Variants in PCDHA3 observed in about 807,000 individuals in gnomAD.
The protein encoded by PCDHA3 is protocadherin alpha 3, also known as protocadherin alpha-3.
A neutral mutation model predicts 62.2 loss-of-function variants in PCDHA3; 41 were observed. The ratio of observed to expected loss-of-function variants is 0.66; its 90% confidence interval spans 0.51 to 0.86. The LOEUF is 0.86. Ranked by LOEUF, PCDHA3 falls within the 40% of genes least tolerant of loss-of-function variation. The pLI is 0.00. For synonymous variants in PCDHA3, 640 were observed against 555.4 expected (o/e 1.15, Z -2.14); for missense variants, 1,304 against 1,241.2 (o/e 1.05, Z -0.76).
intron 1 of PCDHA3, chr5:140,850,189 T>C: frequency 6.3e-7 from 1 of 1,593,496 alleles, no homozygotes; most frequent in South Asian, 1.1e-5. Flanking sequence ...GCGCCGGCGC[T>C]GCTGACACCT....
intron 1 of PCDHA3, chr5:140,882,740 T>A (rs1554175394): frequency 6.2e-7 from 1 of 1,614,198 alleles, no homozygotes; most frequent in African/African-American, 1.3e-5. Flanking sequence ...AGATGGCGCA[T>A]CCGATGCAGA....
intron 3 of PCDHA3, among the ~76,000 whole-genome samples, chr5:141,007,324 A>G (rs35241677): frequency 0.053 from 8,037 of 150,420 alleles, 253 homozygotes; most frequent in South Asian, 0.11. Context: ...GCTAAAGTGG[A>G]CAGATTGCCT....
At chr5:140,903,609 A>G (rs565435427) in intron 1 of PCDHA3, among the ~76,000 whole-genome samples, 2 of 152,360 alleles carry the variant, frequency 1.3e-5, no homozygotes, top group Admixed American at 6.5e-5. Flanking sequence ...CTTAATACAC[A>G]TGAATGTGCA....
intron 1 of PCDHA3, chr5:140,821,864 T>C: frequency 6.2e-7 from 1 of 1,614,208 alleles, no homozygotes; most frequent in South Asian, 1.1e-5. Context: ...AGCGGCCAGC[T>C]CCACTACTCG....
intron 1 of PCDHA3, among the ~76,000 whole-genome samples, chr5:140,972,152 A>T (rs1481801555): frequency 6.6e-6 from 1 of 151,770 alleles, no homozygotes; most frequent in African/African-American, 2.4e-5. Context: ...TTTTATTTTT[A>T]TTTTTTTGAG....
intron 1 of PCDHA3, chr5:140,865,048 T>A (rs2048709545): frequency 1.3e-5 from 2 of 152,178 alleles, no homozygotes; most frequent in Admixed American, 1.3e-4. Flanking sequence ...AAAAATGTCA[T>A]TGTTTTTAAT....
intron 1 of PCDHA3, chr5:140,877,371 G>T: frequency 6.2e-7 from 1 of 1,613,994 alleles, no homozygotes; most frequent in Non-Finnish European, 8.5e-7. Flanking sequence ...AGATCAGCAC[G>T]ACACGCATCC....
chr5:140,801,932 G>A lies in PCDHA3; in HGVS notation c.735G>A (p.Thr245=), dbSNP rs782471663. Reference sequence around the variant, plus strand: ...ACAACGCCCCAGCGTTTGAGAGGACGATCTATAAAGTCAGATTACTCGAAA... The same window carrying A: ...ACAACGCCCCAGCGTTTGAGAGGACAATCTATAAAGTCAGATTACTCGAAA... The part of the protein sequence containing the change: ...VNDNAPAFER[T]IYKVRLLENA... Residue 245 remains threonine (T), a synonymous_variant, in exon 1 of 4, where the codon ACG becomes ACA. Transcript: ENST00000522353. 8.7e-6 allele frequency: 14 copies of A among 1,614,160 alleles called. No homozygotes were observed. Among genetic ancestry groups the A allele is most frequent in the Non-Finnish European group, 1.2e-5 (14 of 1,180,034 alleles).
intron 3 of PCDHA3, among the ~76,000 whole-genome samples, chr5:140,988,287 C>A (rs2097291303): frequency 6.6e-6 from 1 of 152,240 alleles, no homozygotes; most frequent in Non-Finnish European, 1.5e-5. Context: ...TGCCATCTGA[C>A]AGCCCAGGAG....
At chr5:140,843,130 C>T (rs2150353538) in intron 1 of PCDHA3, 5 of 1,596,012 alleles carry the variant, frequency 3.1e-6, no homozygotes, top group Non-Finnish European at 4.3e-6. Flanking sequence ...ACTCGGGCTA[C>T]AACGCGTGGC....
chr5:140,927,706 C>G lies in PCDHA3; in HGVS notation c.2395-51243C>G, dbSNP rs1584519766. The G allele has an allele frequency of 1.2e-6, 2 of 1,614,108 alleles. No homozygotes were observed. Among genetic ancestry groups the G allele is most frequent in the African/African-American group, 2.7e-5 (2 of 74,940 alleles). Reference sequence around the variant, plus strand: ...GTCCAATGGGGAAGTCCAGTACTCCCTAAGCAACAGCACGCAAGCAGAGCT... The same window carrying G: ...GTCCAATGGGGAAGTCCAGTACTCCGTAAGCAACAGCACGCAAGCAGAGCT... On this transcript the variant is annotated intron_variant, in intron 1 of 3. Coordinates refer to ENST00000522353, the MANE Select transcript of PCDHA3 (RefSeq NM_018906.3).
intron 1 of PCDHA3, chr5:140,871,154 G>T (rs781880372): frequency 2.5e-5 from 41 of 1,613,308 alleles, no homozygotes; most frequent in Non-Finnish European, 3.5e-5. Flanking sequence ...ACTTTGGCGG[G>T]CGCCGCGAGC....
Position 140,869,893 on chromosome 5 carries a change from C to G in PCDHA3, c.2394+66302C>G, listed in dbSNP as rs375422597. 3 of 1,610,510 alleles carry G rather than the reference C, an allele frequency of 1.9e-6. No homozygotes were observed. The African/African-American group carries it at 4.0e-5, about 21-fold the overall frequency. ...TGCTAAAGAAACTCTTGTGCTCAAA[C>G]TAAACGCCACAGACCGAGACGAAGG... On this transcript the variant is annotated intron_variant, in intron 1 of 3. Transcript: ENST00000522353.
At chr5:140,856,971 A>C (rs782790207) in intron 1 of PCDHA3, 1 of 1,594,450 alleles carries the variant, frequency 6.3e-7, no homozygotes, top group East Asian at 2.2e-5. Flanking sequence ...GATGCTATTG[A>C]CTTTGAGGAC....
At chr5:140,927,592 G>A in intron 1 of PCDHA3, 5 of 1,614,170 alleles carry the variant, frequency 3.1e-6, no homozygotes, top group Non-Finnish European at 4.2e-6. Context: ...GCCTGTATTT[G>A]AGCGCTCCGT....
Position 140,801,128 on chromosome 5 carries a change from T to C in PCDHA3, c.-70T>C. On this transcript the variant is annotated 5_prime_UTR_variant, in exon 1 of 4. Transcript: ENST00000522353. The stretch of plus-strand genomic sequence containing the variant: ...CACCGAGGAGTTTAAGAAATGAAGA[T>C]AAGGAACTCGAATTATTTTTAAACT... 2 of 1,521,074 alleles carry C rather than the reference T, an allele frequency of 1.3e-6. No homozygotes were observed. The highest frequency in any genetic ancestry group is 1.8e-6 in the Non-Finnish European group (2 of 1,138,770). The allele number at this position is 1,521,074 out of a possible 1,614,324, so 94.2% of individuals were successfully genotyped here.
At chr5:140,853,805 C>A in intron 1 of PCDHA3, 1 of 986,730 alleles carries the variant, frequency 1.0e-6, no homozygotes, top group Non-Finnish European at 1.2e-6. Flanking sequence ...TTTTAAAGCA[C>A]ACCTGAGATG....
At chr5:140,883,128 C>G (rs782352091) in intron 1 of PCDHA3, 1 of 1,614,060 alleles carries the variant, frequency 6.2e-7, no homozygotes, top group Non-Finnish European at 8.5e-7. Flanking sequence ...CCTGTATGGC[C>G]TGCAGTGGTA....
chr5:140,871,145 C>G, intron 1 of PCDHA3: 1 of 1,613,418 alleles, frequency 6.2e-7, no homozygotes, highest in Non-Finnish European at 8.5e-7. Flanking sequence ...TCTTCCCGGA[C>G]TTTGGCGGGC....
Sources: gnomAD v4.1 joint callset for allele counts (sites outside exome capture counted in the v4.1 genomes callset) on GRCh38, gnomAD v4.1.1 for gene constraint, MANE v1.5 for transcripts, NCBI Gene and HGNC (gene_info 2026-07-23, HGNC 2026-07-21) for gene names.